PITPNC1: variants seen among roughly 807,000 people sequenced by gnomAD.
The protein encoded by PITPNC1 is cytoplasmic phosphatidylinositol transfer protein 1.
PITPNC1 carries 18 observed loss-of-function variants against 44.7 expected under a neutral mutation model. That is an observed-to-expected ratio of 0.40 (90% CI 0.28 to 0.60). The LOEUF is 0.60. Ranked by LOEUF, PITPNC1 falls within the 20% of genes least tolerant of loss-of-function variation. PITPNC1 has a pLI of 0.39. For missense variants in PITPNC1, 290 were observed against 418.4 expected (o/e 0.69, Z 2.68); for synonymous variants, 141 against 149.6 (o/e 0.94, Z 0.42).
At chr17:67,507,375 A>C (rs1323910151) in intron 1 of PITPNC1, among the ~76,000 whole-genome samples, 1 of 152,068 alleles carries the variant, frequency 6.6e-6, no homozygotes, top group Non-Finnish European at 1.5e-5. Flanking sequence ...TAAAGGTTTC[A>C]GATTTGCAGT....
intron 1 of PITPNC1, among the ~76,000 whole-genome samples, chr17:67,396,470 A>G (rs536718046): frequency 6.6e-6 from 1 of 151,106 alleles, no homozygotes; most frequent in South Asian, 2.1e-4. Context: ...CCTCAGGTTC[A>G]AGCAATTCTC....
intron 1 of PITPNC1, among the ~76,000 whole-genome samples, chr17:67,383,883 C>CA (rs1156829186): frequency 6.6e-6 from 1 of 151,984 alleles, no homozygotes; most frequent in Non-Finnish European, 1.5e-5. Context: ...ACTAAAAATA[C>CA]AAAATTAGCC....
chr17:67,473,580 G>A (rs1392299588), intron 1 of PITPNC1, among the ~76,000 whole-genome samples: 1 of 152,102 alleles, frequency 6.6e-6, no homozygotes, highest in African/African-American at 2.4e-5. Context: ...TGGGATTACA[G>A]GTGTGAGCCA....
chr17:67,424,871 C>G (rs925775060), intron 1 of PITPNC1, among the ~76,000 whole-genome samples: 7 of 151,892 alleles, frequency 4.6e-5, no homozygotes, highest in African/African-American at 1.7e-4. Context: ...ATCCAGATGG[C>G]CTGAAGCAAC....
chr17:67,647,414 C>T (rs987112577), intron 6 of PITPNC1, among the ~76,000 whole-genome samples: 5 of 149,874 alleles, frequency 3.3e-5, no homozygotes, highest in Non-Finnish European at 7.4e-5. Flanking sequence ...CCTTGGCCCC[C>T]TAAGTAGCTG....
chr17:67,572,082 C>T (rs1466907826), intron 4 of PITPNC1, among the ~76,000 whole-genome samples: 15 of 152,150 alleles, frequency 9.9e-5, no homozygotes, highest in Admixed American at 9.8e-4. Flanking sequence ...CCTTAGAGAG[C>T]ACGGGATGCT....
intron 5 of PITPNC1, among the ~76,000 whole-genome samples, chr17:67,626,830 A>C (rs917391232): frequency 2.0e-5 from 3 of 152,106 alleles, no homozygotes; most frequent in Admixed American, 6.6e-5. Context: ...AAAAAAAAAA[A>C]AAAAACCTAA....
At chr17:67,559,086 T>G (rs2040874838) in intron 4 of PITPNC1, among the ~76,000 whole-genome samples, 1 of 152,158 alleles carries the variant, frequency 6.6e-6, no homozygotes, top group Non-Finnish European at 1.5e-5. Flanking sequence ...GCTCCCCCAG[T>G]AATCCAAAGA....
Position 67,632,148 on chromosome 17 carries a change from C to G in PITPNC1, c.372C>G (p.Phe124Leu). 6.2e-7 allele frequency: 1 copy of G among 1,607,044 alleles called. No homozygotes were observed. Among genetic ancestry groups the G allele is most frequent in the Non-Finnish European group, 8.5e-7 (1 of 1,174,080 alleles). ...ATGTTGCTCTGCTTTTTCAGATTTT[C>G]GACAATGAAGCCAAAGACGTGGAGA... ...EDNKGSNDTI[F>L]DNEAKDVERE... The change falls in exon 6 of 9, where the codon TTC becomes TTG. Residue 124 changes from phenylalanine to leucine, a missense_variant. Transcript: ENST00000581322.
chr17:67,543,690 A>G (rs2040638681), intron 2 of PITPNC1, among the ~76,000 whole-genome samples: 1 of 152,124 alleles, frequency 6.6e-6, no homozygotes, highest in African/African-American at 2.4e-5. Context: ...TCCTTTTAAT[A>G]CATGCCTCTC....
intron 1 of PITPNC1, among the ~76,000 whole-genome samples, chr17:67,489,553 C>T (rs1173449030): frequency 6.6e-6 from 1 of 152,014 alleles, no homozygotes; most frequent in African/African-American, 2.4e-5. Flanking sequence ...GTCCAGACCC[C>T]GCCTCTGATC....
chr17:67,632,175 A>G lies in PITPNC1; in HGVS notation c.399A>G (p.Arg133=), dbSNP rs1324670180. 9.9e-6 allele frequency: 16 copies of G among 1,613,126 alleles called. No individual in the cohort carries two copies. The highest frequency in any genetic ancestry group is 1.3e-5 in the Non-Finnish European group (15 of 1,179,162). Residue 133 remains arginine (R), a synonymous_variant, in exon 6 of 9, where the codon AGA becomes AGG. Coordinates refer to ENST00000581322, the MANE Select transcript of PITPNC1 (RefSeq NM_012417.4). ...IFDNEAKDVE[R]EVCFIDIACD... The stretch of plus-strand genomic sequence containing the variant: ...ACAATGAAGCCAAAGACGTGGAGAG[A>G]GAAGTTTGCTTTATTGATATTGCCT...
At chr17:67,460,726 CTTTTTCTTTCTTTCTTTTTTTTTTT>C (rs1213153083) in intron 1 of PITPNC1, among the ~76,000 whole-genome samples, 51 of 139,256 alleles carry the variant, frequency 3.7e-4, no homozygotes, top group Non-Finnish European at 6.7e-4. Context: ...TTTCTTTTTT[CTTTTTCTTTCTTTCTTTTTTTTTTT>C]TTTTTTTTTT....
chr17:67,457,191 GGAATAGT>G (rs1451893341), intron 1 of PITPNC1: 1 of 152,046 alleles, frequency 6.6e-6, no homozygotes, highest in Non-Finnish European at 1.5e-5. Context: ...ATACCTGTTT[GGAATAGT>G]GCACTACAGC....
intron 6 of PITPNC1, among the ~76,000 whole-genome samples, chr17:67,661,922 G>A (rs537105816): frequency 6.6e-6 from 1 of 151,964 alleles, no homozygotes; most frequent in Non-Finnish European, 1.5e-5. Flanking sequence ...TTGAACCCGG[G>A]AGGTGGAGGT....
At chr17:67,478,732 C>T (rs2039664069) in intron 1 of PITPNC1, among the ~76,000 whole-genome samples, 1 of 152,042 alleles carries the variant, frequency 6.6e-6, no homozygotes, top group Non-Finnish European at 1.5e-5. Context: ...GTTGGGAGGT[C>T]TCTGAGGATC....
At chr17:67,689,901 C>T (rs1053459279) in intron 8 of PITPNC1, among the ~76,000 whole-genome samples, 1 of 152,134 alleles carries the variant, frequency 6.6e-6, no homozygotes, top group Non-Finnish European at 1.5e-5. Flanking sequence ...GAAATAAATG[C>T]CTCTTTTTAT....
intron 5 of PITPNC1, among the ~76,000 whole-genome samples, chr17:67,630,964 G>A (rs55875019): frequency 4.6e-5 from 7 of 151,482 alleles, no homozygotes; most frequent in South Asian, 2.1e-4. Context: ...TGCCCACCTC[G>A]GCCTCCCAAA....
intron 1 of PITPNC1, among the ~76,000 whole-genome samples, chr17:67,532,471 T>C (rs1460038007): frequency 6.6e-6 from 1 of 152,120 alleles, no homozygotes; most frequent in Non-Finnish European, 1.5e-5. Flanking sequence ...GGACTTTAGC[T>C]CCATTTAACC....
Sources: allele counts gnomAD v4.1 joint callset (sites outside exome capture counted in the v4.1 genomes callset), GRCh38; gene constraint gnomAD v4.1.1; transcripts MANE v1.5; gene names NCBI Gene and HGNC (gene_info 2026-07-23, HGNC 2026-07-21).